The following CTNND2 variants were observed in gnomAD, a reference collection of about 807,000 sequenced individuals.
CTNND2 encodes the protein catenin delta-2.
In CTNND2, 22 loss-of-function variants were observed where a neutral mutation model predicts 144.4. That is an observed-to-expected ratio of 0.15 (90% CI 0.11 to 0.22). CTNND2 has a LOEUF of 0.22. Ranked by LOEUF, CTNND2 falls within the 10% of genes least tolerant of loss-of-function variation. CTNND2 has a pLI of 1.00. For synonymous variants in CTNND2, 751 were observed against 695.6 expected, an observed-to-expected ratio of 1.08 and a Z score of -1.25; for missense variants, 1,353 against 1,618.8, an observed-to-expected ratio of 0.84 and a Z score of 2.82.
chr5:11,178,446 T>C (rs1760680893), intron 11 of CTNND2, among the ~76,000 whole-genome samples: 1 of 152,184 alleles, frequency 6.6e-6, no homozygotes, highest in African/African-American at 2.4e-5. Flanking sequence ...ATGGAAACAA[T>C]CATGACTATG....
At chr5:11,121,675 G>C (rs535712380) in intron 12 of CTNND2, among the ~76,000 whole-genome samples, 3 of 152,214 alleles carry the variant, frequency 2.0e-5, no homozygotes, top group African/African-American at 7.2e-5. Flanking sequence ...TGTGCTGCTT[G>C]AAATCTCATT....
chr5:11,630,660 C>T (rs1781367726), intron 2 of CTNND2, among the ~76,000 whole-genome samples: 1 of 151,968 alleles, frequency 6.6e-6, no homozygotes, highest in Admixed American at 6.6e-5. Context: ...GGATATCTTG[C>T]TGTCAAATAA....
intron 16 of CTNND2, among the ~76,000 whole-genome samples, chr5:11,040,308 T>C (rs879297113): frequency 6.6e-6 from 1 of 152,142 alleles, no homozygotes; most frequent in Admixed American, 6.6e-5. Context: ...CTATTTCACA[T>C]GCCCGAATTG....
intron 11 of CTNND2, among the ~76,000 whole-genome samples, chr5:11,160,637 T>C (rs1460651862): frequency 6.6e-6 from 1 of 152,260 alleles, no homozygotes; most frequent in African/African-American, 2.4e-5. Flanking sequence ...ATTCTATTTT[T>C]CTTTGAAAGA....
chr5:10,988,462 T>C lies in CTNND2; in HGVS notation c.3212-220A>G, dbSNP rs61751752. Reference sequence around the variant, plus strand: ...ACTGATGCTTTATAGTTAGAGGGCATGTGATTTGGAGGCTGGCAACTGGGG... The same window carrying C: ...ACTGATGCTTTATAGTTAGAGGGCACGTGATTTGGAGGCTGGCAACTGGGG... On this transcript the variant is annotated intron_variant, in intron 19 of 21. Coordinates refer to ENST00000304623, the MANE Select transcript of CTNND2 (RefSeq NM_001332.4). This position sits in a 1 kb window ranked among gnomAD's most constrained non-coding sequence, Gnocchi z 5.9. 0.021 allele frequency among the ~76,000 whole-genome samples: 3,262 copies of C among 152,218 alleles called. 115 individuals are homozygous for C. Among genetic ancestry groups the C allele is most frequent in the African/African-American group, 0.075 (3,102 of 41,510 alleles).
rs200041730 is a variant in CTNND2 at position 11,259,031 on chromosome 5, C to A, written c.1629-22208G>T. Among the ~76,000 whole-genome samples the A allele has an allele frequency of 2.0e-5, 3 of 152,064 alleles. No individual in the cohort carries two copies. The East Asian group carries it at 5.8e-4, about 29-fold the overall frequency. On this transcript the variant is annotated intron_variant, in intron 9 of 21. Coordinates refer to ENST00000304623, the MANE Select transcript of CTNND2 (RefSeq NM_001332.4). ...AATCAAACACAAATCCACAAGTTGC[C>A]CTGAAGGTATTTTGTAGCTAGGATT...
intron 9 of CTNND2, among the ~76,000 whole-genome samples, chr5:11,295,493 G>A (rs1163938508): frequency 1.3e-5 from 2 of 152,170 alleles, no homozygotes; most frequent in Non-Finnish European, 2.9e-5. Context: ...TTTAAAGTTT[G>A]TATGGAACCA....
At chr5:11,516,336 AAAATAAATAAAT>A (rs1177029913) in intron 3 of CTNND2, among the ~76,000 whole-genome samples, 1 of 151,668 alleles carries the variant, frequency 6.6e-6, no homozygotes, top group Non-Finnish European at 1.5e-5. Flanking sequence ...GCAATTAGGC[AAAATAAATAAAT>A]AAATAAATAA....
intron 8 of CTNND2, among the ~76,000 whole-genome samples, chr5:11,357,083 AT>A (rs1377597954): frequency 1.3e-5 from 2 of 152,024 alleles, no homozygotes; most frequent in Non-Finnish European, 2.9e-5. Context: ...TCATGGTATT[AT>A]AAACTAGTTA....
At chr5:11,364,234 T>C (rs1412173838) in intron 8 of CTNND2, among the ~76,000 whole-genome samples, 2 of 152,220 alleles carry the variant, frequency 1.3e-5, no homozygotes, top group Non-Finnish European at 2.9e-5. Context: ...GTATATGAAA[T>C]AAATTGTCTG....
rs142631197 is a variant in CTNND2, at chr5:11,663,295, T to C, written c.174+68841A>G. On this transcript the variant is annotated intron_variant, in intron 2 of 21. Coordinates refer to ENST00000304623, the MANE Select transcript of CTNND2 (RefSeq NM_001332.4). ...AGATTGATCTATATTAAAAAGACAA[T>C]CAAATTTTCCCATTAAAGAGAAGAT... Among the ~76,000 whole-genome samples, 1,195 of 152,268 alleles carry C rather than the reference T, an allele frequency of 7.8e-3. 3 individuals are homozygous for C. Among genetic ancestry groups the C allele is most frequent in the Non-Finnish European group, 0.013 (883 of 68,014 alleles).
intron 3 of CTNND2, among the ~76,000 whole-genome samples, chr5:11,458,469 T>G (rs1156878378): frequency 6.6e-6 from 1 of 152,164 alleles, no homozygotes; most frequent in Admixed American, 6.5e-5. Context: ...TACATAAGCC[T>G]CATGGCTGGG....
chr5:10,980,632 G>A (rs955342601), intron 21 of CTNND2, among the ~76,000 whole-genome samples: 10 of 152,044 alleles, frequency 6.6e-5, no homozygotes, highest in South Asian at 6.2e-4. Flanking sequence ...ACAATAGCAA[G>A]CACTTGGAAC....
intron 11 of CTNND2, among the ~76,000 whole-genome samples, chr5:11,184,757 T>C (rs1484883658): frequency 2.0e-5 from 3 of 152,202 alleles, no homozygotes; most frequent in Admixed American, 6.5e-5. Flanking sequence ...TAGCAATTTT[T>C]GTGTGAAGTG....
intron 18 of CTNND2, among the ~76,000 whole-genome samples, chr5:11,007,844 G>T (rs914365859): frequency 6.6e-6 from 1 of 152,240 alleles, no homozygotes; most frequent in Admixed American, 6.5e-5. Context: ...GAACATCTCC[G>T]TAGCCTTTCT....
chr5:11,713,328 C>A (rs979932262), intron 2 of CTNND2, among the ~76,000 whole-genome samples: 1 of 151,994 alleles, frequency 6.6e-6, no homozygotes, highest in African/African-American at 2.4e-5. Context: ...GGCCTGTAAT[C>A]CCAGTACTTT....
At chr5:11,130,505 G>A (rs907146053) in intron 12 of CTNND2, among the ~76,000 whole-genome samples, 16 of 152,134 alleles carry the variant, frequency 1.1e-4, no homozygotes, top group Admixed American at 5.9e-4. Flanking sequence ...TAAAACTGAT[G>A]GTCGCCACAG....
chr5:11,497,732 T>C (rs182426960), intron 3 of CTNND2, among the ~76,000 whole-genome samples: 9 of 152,134 alleles, frequency 5.9e-5, no homozygotes, highest in African/African-American at 1.7e-4. Context: ...AAATTACTCA[T>C]AAATTGGGCA....
chr5:11,208,813 G>C (rs1738320811), intron 10 of CTNND2, among the ~76,000 whole-genome samples: 1 of 152,148 alleles, frequency 6.6e-6, no homozygotes. Context: ...TTAAAGTCGG[G>C]TGGAAAGAAC....
Sources: allele counts gnomAD v4.1 joint callset (sites outside exome capture counted in the v4.1 genomes callset), GRCh38; gene constraint gnomAD v4.1.1; non-coding constraint Gnocchi (gnomAD v3.1); transcripts MANE v1.5; gene names NCBI Gene and HGNC (gene_info 2026-07-23, HGNC 2026-07-21).